Variants in NXPE2 observed in about 807,000 individuals in gnomAD.
The protein encoded by NXPE2 is neurexophilin and PC-esterase domain family member 2.
A neutral mutation model predicts 34.4 loss-of-function variants in NXPE2; 34 were observed. The ratio of observed to expected loss-of-function variants is 0.99; its 90% CI spans 0.75 to 1.31. The LOEUF (loss-of-function observed/expected upper bound fraction) is 1.31. NXPE2 is among the 40% of genes most tolerant of loss of function. The pLI is 0.00. For missense variants in NXPE2, 649 were observed against 672.5 expected (o/e 0.97, Z 0.39); for synonymous variants, 235 against 231.3 (o/e 1.02, Z -0.15).
chr11:114,560,962 A>G, the NXPE2 span, among the ~76,000 whole-genome samples: 1 of 151,842 alleles, frequency 6.6e-6, no homozygotes, highest in Non-Finnish European at 1.5e-5. Context: ...TTATTTCTTT[A>G]GTGCTGAATA....
chr11:114,538,976 C>G, the NXPE2 span, among the ~76,000 whole-genome samples: 2 of 151,012 alleles, frequency 1.3e-5, no homozygotes, highest in Admixed American at 6.6e-5. Context: ...TATAAAGACA[C>G]ATGCACACGT....
chr11:114,591,582 C>T, the NXPE2 span, among the ~76,000 whole-genome samples: 1 of 152,036 alleles, frequency 6.6e-6, no homozygotes, highest in Non-Finnish European at 1.5e-5. Flanking sequence ...TCAGTACTCC[C>T]CTGCAAAAAT....
chr11:114,480,696 G>GCGAC, the NXPE2 span, among the ~76,000 whole-genome samples: 1 of 152,132 alleles, frequency 6.6e-6, no homozygotes, highest in Non-Finnish European at 1.5e-5. Flanking sequence ...AATTAATACA[G>GCGAC]CGACCGTTGG....
At chr11:114,785,100 C>T in the NXPE2 span, among the ~76,000 whole-genome samples, 3 of 151,948 alleles carry the variant, frequency 2.0e-5, no homozygotes, top group Non-Finnish European at 4.4e-5. Flanking sequence ...CAGGCCTCTC[C>T]GTAGCTGACA....
chr11:114,753,868 T>C, the NXPE2 span, among the ~76,000 whole-genome samples: 3 of 152,284 alleles, frequency 2.0e-5, no homozygotes, highest in East Asian at 5.8e-4. Context: ...ACCCTTATTG[T>C]CAACTAAATC....
At chr11:114,504,786 C>T in the NXPE2 span, among the ~76,000 whole-genome samples, 28 of 152,246 alleles carry the variant, frequency 1.8e-4, no homozygotes, top group Middle Eastern at 3.4e-3. Context: ...AAATAATCAG[C>T]GCAAGGAATG....
the NXPE2 span, among the ~76,000 whole-genome samples, chr11:114,579,245 C>A: frequency 6.6e-6 from 1 of 152,200 alleles, no homozygotes; most frequent in Non-Finnish European, 1.5e-5. Flanking sequence ...AGAGCGAGAA[C>A]TCACTCATTA....
the NXPE2 span, among the ~76,000 whole-genome samples, chr11:114,541,137 A>G: frequency 6.6e-6 from 1 of 152,088 alleles, no homozygotes; most frequent in East Asian, 1.9e-4. Flanking sequence ...AACCAAGTTA[A>G]TCGATTGCCT....
At chr11:114,482,807 A>G in the NXPE2 span, among the ~76,000 whole-genome samples, 1 of 152,204 alleles carries the variant, frequency 6.6e-6, no homozygotes, top group South Asian at 2.1e-4. Flanking sequence ...GTGTCATTTC[A>G]TAAGAAGCTT....
the NXPE2 span, among the ~76,000 whole-genome samples, chr11:114,471,695 T>C: frequency 2.0e-5 from 3 of 152,192 alleles, no homozygotes; most frequent in Admixed American, 1.3e-4. Context: ...TCATTTCCTA[T>C]TGGTTGGTAT....
chr11:114,598,494 C>A, the NXPE2 span, among the ~76,000 whole-genome samples: 2 of 152,356 alleles, frequency 1.3e-5, no homozygotes, highest in East Asian at 3.9e-4. Flanking sequence ...ACTCCTGCAG[C>A]AGACTTCTGC....
At chr11:114,577,179 T>TAA in the NXPE2 span, among the ~76,000 whole-genome samples, 1 of 145,600 alleles carries the variant, frequency 6.9e-6, no homozygotes, top group Admixed American at 6.9e-5. Flanking sequence ...TATATATATA[T>TAA]AAAATGTTAT....
chr11:114,711,590 C>T (rs1370658009), downstream of NXPE2, among the ~76,000 whole-genome samples: 1 of 152,130 alleles, frequency 6.6e-6, no homozygotes, highest in African/African-American at 2.4e-5. Context: ...AAGTATAAAA[C>T]ATTGCTGAAA....
At chr11:114,793,252 G>C in the NXPE2 span, among the ~76,000 whole-genome samples, 4 of 152,106 alleles carry the variant, frequency 2.6e-5, no homozygotes, top group African/African-American at 9.6e-5. Context: ...CTTCAGTTGT[G>C]GTACCTTGGA....
chr11:114,698,371 G>C lies in NXPE2; in HGVS notation c.459G>C (p.Arg153Ser), dbSNP rs753046826. Residue 153 changes from arginine (R) to serine (S), a missense_variant, in exon 3 of 6, where the codon AGG (arginine) becomes AGC (serine). Physicochemically the swap from Arg to Ser is moderately radical, Grantham distance 110. Coordinates refer to ENST00000389586, the MANE Select transcript of NXPE2 (RefSeq NM_182495.6). ...ATGGTGGGGATTTCCTGAGGGCCAG[G>C]ATGTACTCCACAGCACTAATGGCAG... is the stretch of plus-strand genomic sequence containing the variant. ...KQYGGDFLRARMYSTALMAGA... is the reference protein window; with the variant it reads ...KQYGGDFLRASMYSTALMAGA... 6.2e-7 allele frequency: 1 copy of C among 1,614,022 alleles called. No individual in the cohort carries two copies. Among genetic ancestry groups the C allele is most frequent in the East Asian group, 2.2e-5 (1 of 44,864 alleles).
At chr11:114,520,021 C>A in the NXPE2 span, among the ~76,000 whole-genome samples, 1 of 147,084 alleles carries the variant, frequency 6.8e-6, no homozygotes. Flanking sequence ...TCACTGTGGT[C>A]TCGATCTCCT....
At chr11:114,533,427 G>A in the NXPE2 span, among the ~76,000 whole-genome samples, 12 of 152,110 alleles carry the variant, frequency 7.9e-5, no homozygotes, top group African/African-American at 1.4e-4. Flanking sequence ...GGGGAGTGCC[G>A]GACAGTGGGT....
At chr11:114,653,346 T>C in the NXPE2 span, among the ~76,000 whole-genome samples, 1 of 152,200 alleles carries the variant, frequency 6.6e-6, no homozygotes, top group African/African-American at 2.4e-5. Context: ...GTACTTTTAT[T>C]GTCCCTATAA....
At chr11:114,473,149 G>A in the NXPE2 span, among the ~76,000 whole-genome samples, 3 of 152,154 alleles carry the variant, frequency 2.0e-5, no homozygotes, top group Non-Finnish European at 2.9e-5. Flanking sequence ...CCCAAATACC[G>A]CTTTCCCCAA....
Sources: allele counts gnomAD v4.1 joint callset (sites outside exome capture counted in the v4.1 genomes callset), GRCh38; gene constraint gnomAD v4.1.1; transcripts MANE v1.5; gene names NCBI Gene and HGNC (gene_info 2026-07-23, HGNC 2026-07-21).